The following MINDY4 variants were observed in gnomAD, a reference collection of about 807,000 sequenced individuals.
MINDY4 encodes the protein probable ubiquitin carboxyl-terminal hydrolase MINDY-4.
Under a neutral mutation model 87.0 loss-of-function variants are expected in MINDY4, and 68 were observed. That is an observed-to-expected ratio of 0.78 (90% CI 0.64 to 0.96). The LOEUF (loss-of-function observed/expected upper bound fraction) is 0.96, where lower values mean the gene tolerates loss of function less well. Ranked by LOEUF, MINDY4 falls within the 40% of genes least tolerant of loss-of-function variation. MINDY4 has a pLI of 0.00. For synonymous variants in MINDY4, 379 were observed against 363.2 expected, an observed-to-expected ratio of 1.04 and a Z score of -0.50; for missense variants, 919 against 928.2, an observed-to-expected ratio of 0.99 and a Z score of 0.13.
intron 5 of MINDY4, among the ~76,000 whole-genome samples, chr7:30,802,303 C>T (rs1159056678): frequency 6.6e-6 from 1 of 151,804 alleles, no homozygotes; most frequent in Non-Finnish European, 1.5e-5. Context: ...TGTTCAGCTG[C>T]AGGCTGGACA....
Position 30,850,502 on chromosome 7 carries a change from C to G in MINDY4, c.1494C>G (p.Ala498=), listed in dbSNP as rs1412164500. ...DAHRTRCLVL[A]LADIVWRAGG... Reference sequence around the variant, plus strand: ...ACCGGACCCGCTGCCTCGTCCTGGCCCTCGCAGACATTGTGTGGCGGGCAG... The same window carrying G: ...ACCGGACCCGCTGCCTCGTCCTGGCGCTCGCAGACATTGTGTGGCGGGCAG... Residue 498 remains alanine, a synonymous_variant, in exon 10 of 18, where the codon GCC becomes GCG. Transcript: ENST00000265299. 5.6e-6 allele frequency: 9 copies of G among 1,612,490 alleles called. No homozygotes were observed. The South Asian group carries it at 9.9e-5, about 18-fold the overall frequency.
intron 1 of MINDY4, among the ~76,000 whole-genome samples, chr7:30,777,732 C>T (rs1003344070): frequency 6.6e-6 from 1 of 152,184 alleles, no homozygotes; most frequent in African/African-American, 2.4e-5. Flanking sequence ...TCTCAGCCTC[C>T]AGCCATTTGA....
chr7:30,834,372 A>G (rs890091085), intron 6 of MINDY4, among the ~76,000 whole-genome samples: 24 of 152,318 alleles, frequency 1.6e-4, no homozygotes, highest in Non-Finnish European at 2.8e-4. Context: ...TGAGCTGTAC[A>G]TTGGCCCCTT....
At chr7:30,849,452 A>G (rs917251255) in intron 9 of MINDY4, among the ~76,000 whole-genome samples, 24 of 152,154 alleles carry the variant, frequency 1.6e-4, no homozygotes, top group Admixed American at 3.3e-4. Flanking sequence ...GGAAAGAAAT[A>G]CGTATATTCG....
intron 10 of MINDY4, among the ~76,000 whole-genome samples, chr7:30,851,864 A>G: frequency 6.6e-6 from 1 of 152,198 alleles, no homozygotes; most frequent in African/African-American, 2.4e-5. Flanking sequence ...ATCAGTGAAA[A>G]CAAAGGGCAA....
Position 30,771,469 on chromosome 7 carries a change from C to A in MINDY4, c.-25C>A, listed in dbSNP as rs770531525. 6.3e-7 allele frequency: 1 copy of A among 1,595,734 alleles called. No homozygotes were observed. Among genetic ancestry groups the A allele is most frequent in the Non-Finnish European group, 8.5e-7 (1 of 1,172,758 alleles). ...TGGTGCTGCGGCCCGGCGTGGGCCT[C>A]GTGGGCAGAGCCAGAGCCAGAGCCA... is the stretch of plus-strand genomic sequence containing the variant. On this transcript the variant is annotated 5_prime_UTR_variant, in exon 1 of 18. Coordinates refer to ENST00000265299, the MANE Select transcript of MINDY4 (RefSeq NM_032222.3).
At chr7:30,812,278 G>GC (rs56686797) in intron 5 of MINDY4, among the ~76,000 whole-genome samples, 39,207 of 96,902 alleles carry the variant, frequency 0.4, 6,909 homozygotes, top group African/African-American at 0.57. Context: ...TTGAGGGGGG[G>GC]GGGGTATGTA....
At chr7:30,778,688 C>G in intron 2 of MINDY4, 137 bp downstream of exon 2, 1 of 1,034,716 alleles carries the variant, frequency 9.7e-7, no homozygotes, top group Non-Finnish European at 1.5e-6. Context: ...GAGAAACGGA[C>G]CCCCCAAATG....
intron 1 of MINDY4, among the ~76,000 whole-genome samples, chr7:30,773,985 C>T (rs563912369): frequency 1.3e-5 from 2 of 152,302 alleles, no homozygotes; most frequent in East Asian, 1.9e-4. Context: ...AAATTCCACT[C>T]GTCCTGCTCT....
intron 13 of MINDY4, among the ~76,000 whole-genome samples, chr7:30,870,520 G>A (rs1427173048): frequency 6.6e-6 from 1 of 152,190 alleles, no homozygotes; most frequent in Non-Finnish European, 1.5e-5. Context: ...AAGCCTTAGT[G>A]GTTCTCTGCA....
At chr7:30,806,947 T>C (rs1046567616) in intron 5 of MINDY4, among the ~76,000 whole-genome samples, 2 of 152,242 alleles carry the variant, frequency 1.3e-5, no homozygotes, top group African/African-American at 4.8e-5. Flanking sequence ...CTCAATTGTT[T>C]AAAGGGTCAA....
chr7:30,824,284 T>A (rs1240550071), intron 5 of MINDY4, among the ~76,000 whole-genome samples: 1 of 152,254 alleles, frequency 6.6e-6, no homozygotes, highest in East Asian at 1.9e-4. Context: ...GTCTTCCTCT[T>A]CTTAGAAAGC....
At position 30,777,283 on chromosome 7, in the gene MINDY4, G is replaced by T. The variant is rs149910923; in HGVS notation, c.64-1149G>T. On this transcript the variant is annotated intron_variant, in intron 1 of 17. Coordinates refer to ENST00000265299, the MANE Select transcript of MINDY4 (RefSeq NM_032222.3). Reference sequence around the variant, plus strand: ...GATTTGAACTGTTGACAGACATAAAGAATTATCCATCAGAGAGAGCCTCGT... The same window carrying T: ...GATTTGAACTGTTGACAGACATAAATAATTATCCATCAGAGAGAGCCTCGT... Among the ~76,000 whole-genome samples, 441 of 152,174 alleles carry T rather than the reference G, an allele frequency of 2.9e-3. 1 individual carries two copies. Among genetic ancestry groups the T allele is most frequent in the African/African-American group, 0.01 (417 of 41,540 alleles).
intron 5 of MINDY4, among the ~76,000 whole-genome samples, chr7:30,794,271 C>G (rs1787412316): frequency 6.6e-6 from 1 of 152,142 alleles, no homozygotes; most frequent in African/African-American, 2.4e-5. Context: ...GGGTCTCAGT[C>G]CTAGTGTGTA....
intron 1 of MINDY4, 28 bp from the exon 2 acceptor site, chr7:30,778,404 A>C (rs564508518): frequency 1.2e-6 from 2 of 1,614,086 alleles, no homozygotes; most frequent in African/African-American, 2.7e-5. Flanking sequence ...TTAAGATGGT[A>C]AACAGCGATT....
chr7:30,826,255 A>G (rs540587919), intron 5 of MINDY4, among the ~76,000 whole-genome samples: 12 of 152,330 alleles, frequency 7.9e-5, no homozygotes, highest in African/African-American at 2.6e-4. Context: ...TATTCAGCCT[A>G]TGACACCACG....
chr7:30,840,811 C>G lies in MINDY4; in HGVS notation c.1408C>G (p.Leu470Val). The G allele has an allele frequency of 1.2e-6, 2 of 1,614,190 alleles. No individual in the cohort carries two copies. The highest frequency in any genetic ancestry group is 2.2e-5 in the East Asian group (1 of 44,886). The change falls in exon 9 of 18, where the codon CTC (leucine) becomes GTC (valine). Residue 470 changes from leucine to valine, a missense_variant. Transcript: ENST00000265299. ...TGTCCAAGGCTGTGTCCTACAGAAA[C>G]TCCTGTTTGAAGGAGATAGCAAAGC... The part of the protein sequence containing the change: ...AAVQGCVLQK[L>V]LFEGDSKADC...
In MINDY4 at chr7:30,791,196, C is replaced by T. The variant is rs1197628951; in HGVS notation, c.695C>T (p.Ser232Phe). 6.8e-6 allele frequency: 11 copies of T among 1,613,858 alleles called. No individual in the cohort carries two copies. The highest frequency in any genetic ancestry group is 9.3e-6 in the Non-Finnish European group (11 of 1,179,852). ...TTTCACAGACACTATCTGAGACGGT[C>T]CTCACCGTCAAGCAGCTCCACCCAA... ...DSFHRHYLRR[S>F]SPSSSSTQPQ... Residue 232 changes from serine (S) to phenylalanine (F), a missense_variant, in exon 5 of 18, where the codon TCC becomes TTC. Transcript: ENST00000265299.
Position 30,791,366 on chromosome 7 carries a change from AG to A in MINDY4, c.866del (p.Ser289ThrfsTer39). 6.2e-7 allele frequency: 1 copy of A among 1,614,132 alleles called. No individual in the cohort carries two copies. Among genetic ancestry groups the A allele is most frequent in the Non-Finnish European group, 8.5e-7 (1 of 1,180,024 alleles). On this transcript the variant is annotated frameshift_variant, in exon 5 of 18. Transcript: ENST00000265299. LOFTEE classifies it high-confidence loss of function. Reference protein sequence around the residue: ...TVERQKTTASSPPHLPSKRLP... With the variant: ...TVERQKTTASXPPHLPSKRLP... ...AGAAAGGCAGAAAACCACTGCCAGC[AG>A]CCCTCCCCATCTGCCCAGCAAACGG...
Sources: allele counts gnomAD v4.1 joint callset (sites outside exome capture counted in the v4.1 genomes callset), GRCh38; gene constraint gnomAD v4.1.1; transcripts MANE v1.5; gene names NCBI Gene and HGNC (gene_info 2026-07-23, HGNC 2026-07-21).